Variants in MELK observed in about 807,000 individuals in gnomAD.
MELK encodes maternal embryonic leucine zipper kinase, also known as pEg3 kinase.
MELK carries 81 observed loss-of-function variants against 85.0 expected under a neutral mutation model. The observed-to-expected ratio is 0.95, with a 90% CI of 0.80 to 1.15. The LOEUF is 1.15. MELK is among the 50% of genes most tolerant of loss of function. The pLI, the probability that MELK is intolerant of heterozygous loss-of-function variation, is 0.00. For missense variants in MELK, 754 were observed against 777.5 expected (o/e 0.97, Z 0.36); for synonymous variants, 252 against 265.0 (o/e 0.95, Z 0.48).
In MELK at chr9:36,589,467, G is replaced by A. The variant is rs1053869883; in HGVS notation, c.145-69G>A. On this transcript the variant is annotated intron_variant, in intron 3 of 17. Coordinates refer to ENST00000298048, the MANE Select transcript of MELK (RefSeq NM_014791.4). ...CGGCCAGCTACTTAGTATTAAAGCT[G>A]TTAGTATTGGAGCTTGGAACACCAC... 3.1e-6 allele frequency: 4 copies of A among 1,270,098 alleles called. No homozygotes were observed. The African/African-American group carries it at 4.4e-5, about 14-fold the overall frequency. The allele number at this position is 1,270,098 out of a possible 1,614,324, so 78.7% of individuals were successfully genotyped here.
At chr9:36,660,614 G>A (rs950723573) in intron 13 of MELK, among the ~76,000 whole-genome samples, 2 of 151,882 alleles carry the variant, frequency 1.3e-5, no homozygotes, top group African/African-American at 4.8e-5. Context: ...GAGCCACTGC[G>A]CCTGGCACCT....
intron 12 of MELK, among the ~76,000 whole-genome samples, chr9:36,655,762 T>G (rs1831183030): frequency 6.6e-6 from 1 of 152,208 alleles, no homozygotes; most frequent in African/African-American, 2.4e-5. Context: ...TTTAGGATTT[T>G]TCTCAGCCTA....
At chr9:36,639,949 G>C (rs1829608202) in intron 10 of MELK, among the ~76,000 whole-genome samples, 1 of 152,192 alleles carries the variant, frequency 6.6e-6, no homozygotes, top group Admixed American at 6.5e-5. Flanking sequence ...AGGATACCAG[G>C]TATTAAGGTG....
intron 16 of MELK, among the ~76,000 whole-genome samples, chr9:36,673,000 C>T (rs1833017625): frequency 6.6e-6 from 1 of 152,096 alleles, no homozygotes; most frequent in African/African-American, 2.4e-5. Context: ...GTACTAAAAA[C>T]TATACACTTA....
intron 7 of MELK, among the ~76,000 whole-genome samples, chr9:36,602,982 G>C (rs1825091729): frequency 6.6e-6 from 1 of 152,206 alleles, no homozygotes; most frequent in African/African-American, 2.4e-5. Context: ...TGAGATTTGA[G>C]TGGAGTGAGG....
Position 36,581,726 on chromosome 9 carries a change from A to G in MELK, c.45A>G (p.Glu15=). Residue 15 remains glutamate, a synonymous_variant, in exon 2 of 18, where the codon GAA becomes GAG. Transcript: ENST00000298048. ...TTCTCAAATATTATGAATTACATGA[A>G]ACTATTGGGACAGGTAATTGTTATT... ...DELLKYYELH[E]TIGTGGFAKV... The G allele has an allele frequency of 6.3e-7, 1 of 1,593,906 alleles. No homozygotes were observed. The highest frequency in any genetic ancestry group is 8.6e-7 in the Non-Finnish European group (1 of 1,162,666).
chr9:36,655,223 TG>T (rs34872459), intron 12 of MELK, among the ~76,000 whole-genome samples: 2 of 152,110 alleles, frequency 1.3e-5, no homozygotes, highest in Non-Finnish European at 2.9e-5. Flanking sequence ...TAGTAGATGA[TG>T]GGGGCCAGAG....
chr9:36,652,342 C>T lies in MELK; in HGVS notation c.1053+465C>T, dbSNP rs187396999. Among the ~76,000 whole-genome samples, 250 of 151,620 alleles carry T rather than the reference C, an allele frequency of 1.6e-3. 1 individual carries two copies. The highest frequency in any genetic ancestry group is 5.5e-3 in the African/African-American group (228 of 41,358). On this transcript the variant is annotated intron_variant, in intron 12 of 17. Transcript: ENST00000298048. ...GATTATAGGCATGAGCCACCGTGCC[C>T]GGCCTCTAAAATTCTGAATGTTAAC... is the stretch of plus-strand genomic sequence containing the variant.
rs567777613 is a variant in MELK, at chr9:36,649,662, G to A, written c.922-2084G>A. 4.6e-5 allele frequency among the ~76,000 whole-genome samples: 7 copies of A among 152,092 alleles called. No individual in the cohort carries two copies. The East Asian group carries it at 1.2e-3, about 25-fold the overall frequency. ...CATGTGCCTGTAATCCCGGGTACTC[G>A]GGACCCTGAGGCGAGAGGATTGCTT... On this transcript the variant is annotated intron_variant, in intron 11 of 17. Transcript: ENST00000298048.
At chr9:36,608,750 T>G (rs1434371729) in intron 8 of MELK, among the ~76,000 whole-genome samples, 1 of 152,026 alleles carries the variant, frequency 6.6e-6, no homozygotes. Context: ...CCCGGCTAAT[T>G]TTTTGTATTT....
At chr9:36,588,695 T>C (rs907737422) in intron 3 of MELK, among the ~76,000 whole-genome samples, 1 of 152,148 alleles carries the variant, frequency 6.6e-6, no homozygotes, top group Non-Finnish European at 1.5e-5. Context: ...TCCCTTTTTA[T>C]AATGAAGTTT....
At chr9:36,654,250 G>A (rs10758383) in intron 12 of MELK, among the ~76,000 whole-genome samples, 7 of 151,764 alleles carry the variant, frequency 4.6e-5, no homozygotes, top group Non-Finnish European at 7.4e-5. Flanking sequence ...TATTAGATAC[G>A]TATACCTCTA....
Position 36,583,650 on chromosome 9 carries a change from G to A in MELK, c.82G>A (p.Ala28Thr). 6.2e-7 allele frequency: 1 copy of A among 1,611,504 alleles called. No individual in the cohort carries two copies. Among genetic ancestry groups the A allele is most frequent in the Non-Finnish European group, 8.5e-7 (1 of 1,178,488 alleles). ...AGGTGGCTTTGCAAAGGTCAAACTT[G>A]CCTGCCATATCCTTACTGGAGAGAT... The part of the protein sequence containing the change: ...GTGGFAKVKL[A>T]CHILTGEMVA... The change falls in exon 3 of 18, where the codon GCC becomes ACC. Residue 28 changes from alanine (A) to threonine (T), a missense_variant. Transcript: ENST00000298048.
chr9:36,611,578 A>G (rs984934034), intron 8 of MELK, among the ~76,000 whole-genome samples: 1 of 152,084 alleles, frequency 6.6e-6, no homozygotes, highest in South Asian at 2.1e-4. Flanking sequence ...TTTGAAATTC[A>G]GAAGCTTCAG....
Position 36,647,520 on chromosome 9 carries a change from C to T in MELK, c.922-4226C>T, listed in dbSNP as rs1830327257. 2.0e-5 allele frequency among the ~76,000 whole-genome samples: 3 copies of T among 150,262 alleles called. 1 individual carries two copies. In the South Asian group the frequency reaches 6.3e-4, roughly 32 times the overall value. On this transcript the variant is annotated intron_variant, in intron 11 of 17. Transcript: ENST00000298048. ...TTTTTTTTTTTTTGAGATGGAGTCT[C>T]CCTCTGTCGCCAGGCTGCAGTGCAG...
intron 2 of MELK, 84 bp from the exon 3 acceptor site, chr9:36,583,543 A>G (rs2135069673): frequency 1.2e-6 from 1 of 819,868 alleles, no homozygotes; most frequent in Non-Finnish European, 1.8e-6. Flanking sequence ...TTGGCTTGAT[A>G]GAGTCTTTTA....
rs1326010545 is a variant in MELK, at chr9:36,665,332, G to T, written c.1177-18G>T. 3 of 1,530,278 alleles carry T rather than the reference G, an allele frequency of 2.0e-6. No individual in the cohort carries two copies. Among genetic ancestry groups the T allele is most frequent in the African/African-American group, 2.8e-5 (2 of 72,052 alleles). 94.8% of individuals were successfully genotyped at this position (1,530,278 alleles called of 1,614,324 possible). On this transcript the variant is annotated intron_variant, in intron 13 of 17. Transcript: ENST00000298048. The stretch of plus-strand genomic sequence containing the variant: ...TTTCTTCTTCAGTGTGCTTTATCTA[G>T]TAACTTTTTTTTTCCAGTTTACCAA...
chr9:36,640,988 C>T (rs1829704686), intron 10 of MELK, among the ~76,000 whole-genome samples: 5 of 152,150 alleles, frequency 3.3e-5, no homozygotes, highest in Admixed American at 3.3e-4. Flanking sequence ...TATTGCCCTG[C>T]CTTGTGCTGG....
chr9:36,597,163 G>C, intron 5 of MELK, 59 bp from the exon 6 acceptor site: 2 of 1,423,684 alleles, frequency 1.4e-6, no homozygotes, highest in Non-Finnish European at 2.0e-6. Context: ...AATGGCTAGA[G>C]GTGGGATGTG....
Sources: gnomAD v4.1 joint callset for allele counts (sites outside exome capture counted in the v4.1 genomes callset) on GRCh38, gnomAD v4.1.1 for gene constraint, MANE v1.5 for transcripts, NCBI Gene and HGNC (gene_info 2026-07-23, HGNC 2026-07-21) for gene names.